Variants in KHDRBS2 observed in about 807,000 individuals in gnomAD.
KHDRBS2 encodes KH domain-containing, RNA-binding, signal transduction-associated protein 2.
KHDRBS2 carries 26 observed loss-of-function variants against 44.3 expected under a neutral mutation model. The ratio of observed to expected loss-of-function variants is 0.59; its 90% CI spans 0.43 to 0.81. The LOEUF (loss-of-function observed/expected upper bound fraction) is 0.81, where lower values mean the gene tolerates loss of function less well. Ranked by LOEUF, KHDRBS2 falls within the 40% of genes least tolerant of loss-of-function variation. The probability of loss-of-function intolerance (pLI) is 0.00; values close to 1 mark genes in which losing one functional copy is unlikely to be tolerated. For missense variants in KHDRBS2, 476 were observed against 433.1 expected, an observed-to-expected ratio of 1.10 and a Z score of -0.88; for synonymous variants, 194 against 151.1, an observed-to-expected ratio of 1.28 and a Z score of -2.08.
chr6:61,945,150 T>TATACACACACACAC (rs371595813), intron 4 of KHDRBS2, among the ~76,000 whole-genome samples: 4 of 87,012 alleles, frequency 4.6e-5, no homozygotes, highest in African/African-American at 1.7e-4. Flanking sequence ...TATATATATA[T>TATACACACACACAC]ACACACAGAC....
At chr6:61,816,475 T>A (rs948070773) in intron 6 of KHDRBS2, 2 of 268,012 alleles carry the variant, frequency 7.5e-6, no homozygotes, top group African/African-American at 4.5e-5. Flanking sequence ...CAAAAACTGA[T>A]GGCCAACAGT....
intron 4 of KHDRBS2, among the ~76,000 whole-genome samples, chr6:61,945,112 A>AATATATATATAT (rs1491476068): frequency 1.0e-4 from 5 of 48,414 alleles, no homozygotes; most frequent in Non-Finnish European, 1.4e-4. Flanking sequence ...AAAAAAAAAA[A>AATATATATATAT]GTATATATAT....
chr6:61,732,882 T>C, intron 6 of KHDRBS2, 118 bp from the exon 7 acceptor site: 1 of 664,284 alleles, frequency 1.5e-6, no homozygotes, highest in Non-Finnish European at 2.7e-6. Flanking sequence ...TGGGTAAGTA[T>C]CCATATATCA....
chr6:61,703,779 T>C (rs1769055836), intron 7 of KHDRBS2, among the ~76,000 whole-genome samples: 1 of 151,948 alleles, frequency 6.6e-6, no homozygotes, highest in Admixed American at 6.6e-5. Flanking sequence ...ATGTCATTCA[T>C]GGTATTCACT....
chr6:62,037,104 A>T (rs1242012701), intron 3 of KHDRBS2, among the ~76,000 whole-genome samples: 1 of 151,978 alleles, frequency 6.6e-6, no homozygotes, highest in Non-Finnish European at 1.5e-5. Flanking sequence ...AAATGATAAT[A>T]ATAATCATCA....
intron 6 of KHDRBS2, among the ~76,000 whole-genome samples, chr6:61,885,644 T>C (rs1800835194): frequency 6.6e-6 from 1 of 152,164 alleles, no homozygotes; most frequent in Non-Finnish European, 1.5e-5. Flanking sequence ...AATGAATTTC[T>C]AACTAACTAT....
intron 3 of KHDRBS2, among the ~76,000 whole-genome samples, chr6:62,013,326 C>T (rs1780640628): frequency 6.6e-6 from 1 of 151,822 alleles, no homozygotes; most frequent in East Asian, 1.9e-4. Flanking sequence ...AAATTTGAGT[C>T]CATTTGAAAA....
chr6:62,073,691 G>T (rs1341647494), intron 2 of KHDRBS2, among the ~76,000 whole-genome samples: 1 of 151,066 alleles, frequency 6.6e-6, no homozygotes, highest in Non-Finnish European at 1.5e-5. Context: ...GGCATTTATT[G>T]TGATCCCAGA....
chr6:62,096,310 TC>T (rs1161225883), intron 2 of KHDRBS2, among the ~76,000 whole-genome samples: 1 of 152,024 alleles, frequency 6.6e-6, no homozygotes, highest in Non-Finnish European at 1.5e-5. Context: ...TACCAGTTCT[TC>T]TTTAAAAGTT....
chr6:61,601,843 T>TATGTGACTCACACCC, the KHDRBS2 span, among the ~76,000 whole-genome samples: 2 of 152,110 alleles, frequency 1.3e-5, no homozygotes, highest in African/African-American at 4.8e-5. Flanking sequence ...CTGGTCCAGC[T>TATGTGACTCACACCC]TACAGTTTCA....
the KHDRBS2 span, among the ~76,000 whole-genome samples, chr6:61,574,864 T>G: frequency 6.6e-6 from 1 of 152,172 alleles, no homozygotes; most frequent in Admixed American, 6.5e-5. Flanking sequence ...GCAGAGATCA[T>G]GCCATTGCAC....
At chr6:61,915,096 G>T (rs375720333) in intron 4 of KHDRBS2, among the ~76,000 whole-genome samples, 1 of 151,476 alleles carries the variant, frequency 6.6e-6, no homozygotes, top group Non-Finnish European at 1.5e-5. Context: ...TGGAAGCCAG[G>T]CTGGAAGATT....
At chr6:61,819,142 A>T (rs1275683803) in intron 6 of KHDRBS2, among the ~76,000 whole-genome samples, 1 of 151,942 alleles carries the variant, frequency 6.6e-6, no homozygotes, top group Non-Finnish European at 1.5e-5. Context: ...AGAAATCTTT[A>T]GCCCTTTTGA....
At chr6:61,969,096 T>C (rs1300479645) in intron 4 of KHDRBS2, among the ~76,000 whole-genome samples, 1 of 152,098 alleles carries the variant, frequency 6.6e-6, no homozygotes, top group Non-Finnish European at 1.5e-5. Flanking sequence ...TAAAAGCTTT[T>C]ACATATAAGA....
chr6:62,138,164 CCTT>C (rs1383547012), intron 2 of KHDRBS2, among the ~76,000 whole-genome samples: 1 of 152,172 alleles, frequency 6.6e-6, no homozygotes, highest in African/African-American at 2.4e-5. Flanking sequence ...CACTCAATAA[CCTT>C]CTGTCTTCCT....
At chr6:62,268,282 G>A (rs911799341) in intron 1 of KHDRBS2, among the ~76,000 whole-genome samples, 24 of 152,010 alleles carry the variant, frequency 1.6e-4, no homozygotes, top group Non-Finnish European at 1.8e-4. Flanking sequence ...TGTCAGTCTA[G>A]ATCATTGTTA....
At chr6:62,115,027 A>T (rs779760290) in intron 2 of KHDRBS2, among the ~76,000 whole-genome samples, 7 of 152,158 alleles carry the variant, frequency 4.6e-5, no homozygotes, top group Non-Finnish European at 8.8e-5. Flanking sequence ...GAAACTATTT[A>T]TCAGTTGTCA....
chr6:61,835,710 C>CGTGCGTGT (rs1792553530), intron 6 of KHDRBS2, among the ~76,000 whole-genome samples: 2 of 145,478 alleles, frequency 1.4e-5, no homozygotes, highest in African/African-American at 5.1e-5. Flanking sequence ...TTGATGTGTG[C>CGTGCGTGT]GTGTGTGTGT....
intron 4 of KHDRBS2, among the ~76,000 whole-genome samples, chr6:61,962,188 A>C (rs1322209802): frequency 2.0e-5 from 3 of 152,182 alleles, no homozygotes; most frequent in African/African-American, 7.2e-5. Flanking sequence ...GTTGAATGGC[A>C]GTTCTATTGT....
Sources: allele counts gnomAD v4.1 joint callset (sites outside exome capture counted in the v4.1 genomes callset), GRCh38; gene constraint gnomAD v4.1.1; transcripts MANE v1.5; gene names NCBI Gene and HGNC (gene_info 2026-07-23, HGNC 2026-07-21).